The following TDRD3 variants were observed in gnomAD, a reference collection of about 807,000 sequenced individuals.
TDRD3 encodes tudor domain-containing protein 3.
TDRD3 carries 45 observed loss-of-function variants against 86.7 expected under a neutral mutation model. The observed-to-expected ratio is 0.52, with a 90% CI of 0.41 to 0.67. The LOEUF (loss-of-function observed/expected upper bound fraction) is 0.67, where lower values mean the gene tolerates loss of function less well. Ranked by LOEUF, TDRD3 falls within the 30% of genes least tolerant of loss-of-function variation. TDRD3 has a pLI of 0.00. For synonymous variants in TDRD3, 298 were observed against 301.7 expected (o/e 0.99, Z 0.13); for missense variants, 814 against 889.0 (o/e 0.92, Z 1.07).
At chr13:60,521,644 C>G (rs1957286565) in intron 10 of TDRD3, among the ~76,000 whole-genome samples, 1 of 151,974 alleles carries the variant, frequency 6.6e-6, no homozygotes, top group Non-Finnish European at 1.5e-5. Flanking sequence ...GCCTGTAATC[C>G]CAGCACTTTG....
intron 1 of TDRD3, among the ~76,000 whole-genome samples, chr13:60,400,525 A>T (rs1316440922): frequency 6.6e-6 from 1 of 152,080 alleles, no homozygotes. Context: ...GCGGGTGGTC[A>T]GGAGTTGGAG....
At chr13:60,459,388 T>G (rs1379676170) in intron 3 of TDRD3, among the ~76,000 whole-genome samples, 1 of 152,226 alleles carries the variant, frequency 6.6e-6, no homozygotes, top group Non-Finnish European at 1.5e-5. Context: ...ATTTCTCAAC[T>G]TTGCTCTAAG....
chr13:60,489,422 T>G (rs1357630090), intron 7 of TDRD3, among the ~76,000 whole-genome samples: 1 of 152,216 alleles, frequency 6.6e-6, no homozygotes, highest in Non-Finnish European at 1.5e-5. Context: ...GAATTTTGGT[T>G]GTTCTTCCCG....
At chr13:60,556,688 T>C (rs1343302378) in intron 12 of TDRD3, among the ~76,000 whole-genome samples, 2 of 152,172 alleles carry the variant, frequency 1.3e-5, no homozygotes, top group East Asian at 3.9e-4. Context: ...AATAGCATTG[T>C]ATTCCAAGTA....
chr13:60,402,740 C>A (rs927898900), intron 1 of TDRD3, among the ~76,000 whole-genome samples: 1 of 138,086 alleles, frequency 7.2e-6, no homozygotes, highest in Admixed American at 7.8e-5. Flanking sequence ...TCTTGTTGCC[C>A]AGGCTAGAGT....
chr13:60,492,168 G>T (rs1956602192), intron 7 of TDRD3, among the ~76,000 whole-genome samples: 1 of 152,156 alleles, frequency 6.6e-6, no homozygotes, highest in African/African-American at 2.4e-5. Context: ...CCATACAATG[G>T]AAAGAAAATT....
chr13:60,445,240 G>A (rs552835224), intron 3 of TDRD3, among the ~76,000 whole-genome samples: 5 of 152,158 alleles, frequency 3.3e-5, no homozygotes, highest in Middle Eastern at 3.4e-3. Context: ...ATTTTTTTGC[G>A]TCAGCAAACT....
At chr13:60,408,272 C>G (rs1954281506) in intron 1 of TDRD3, among the ~76,000 whole-genome samples, 1 of 152,134 alleles carries the variant, frequency 6.6e-6, no homozygotes, top group Non-Finnish European at 1.5e-5. Context: ...CTTCCCAGTC[C>G]CAGGTATGTC....
At chr13:60,491,379 T>C (rs1595013257) in intron 7 of TDRD3, among the ~76,000 whole-genome samples, 1 of 152,154 alleles carries the variant, frequency 6.6e-6, no homozygotes, top group Admixed American at 6.5e-5. Flanking sequence ...ATATGGATGG[T>C]ATTGAAAATT....
chr13:60,436,709 T>C (rs1416401643), intron 1 of TDRD3, among the ~76,000 whole-genome samples: 3 of 152,208 alleles, frequency 2.0e-5, no homozygotes, highest in Non-Finnish European at 4.4e-5. Context: ...ATGTGATGTA[T>C]GGGCCTTGTT....
intron 4 of TDRD3, among the ~76,000 whole-genome samples, chr13:60,463,799 T>C (rs1955855041): frequency 6.6e-6 from 1 of 152,164 alleles, no homozygotes; most frequent in Admixed American, 6.5e-5. Context: ...AGAGATCATC[T>C]CACACAGTTA....
At chr13:60,492,086 T>C (rs1956600769) in intron 7 of TDRD3, among the ~76,000 whole-genome samples, 1 of 152,178 alleles carries the variant, frequency 6.6e-6, no homozygotes, top group South Asian at 2.1e-4. Context: ...TAGATATTTA[T>C]ATGAGTGAGT....
At chr13:60,561,609 A>T (rs544836450) in intron 12 of TDRD3, among the ~76,000 whole-genome samples, 1 of 152,336 alleles carries the variant, frequency 6.6e-6, no homozygotes, top group African/African-American at 2.4e-5. Flanking sequence ...ATAATAAAAA[A>T]ATATAAATCT....
intron 8 of TDRD3, among the ~76,000 whole-genome samples, chr13:60,498,354 G>T (rs2137584966): frequency 6.6e-6 from 1 of 152,270 alleles, no homozygotes; most frequent in East Asian, 1.9e-4. Context: ...TCCCAAGGTG[G>T]CAGGGGCCAA....
chr13:60,462,060 T>G (rs1208170708), intron 4 of TDRD3, among the ~76,000 whole-genome samples: 1 of 152,236 alleles, frequency 6.6e-6, no homozygotes, highest in Non-Finnish European at 1.5e-5. Context: ...CCTCAGAAGA[T>G]ATGTTTGTCG....
chr13:60,403,071 A>G (rs1243111597), intron 1 of TDRD3, among the ~76,000 whole-genome samples: 2 of 152,206 alleles, frequency 1.3e-5, no homozygotes, highest in African/African-American at 4.8e-5. Flanking sequence ...TAAACTGCGA[A>G]AAATGACTGG....
chr13:60,466,377 A>G (rs1955928657), intron 4 of TDRD3, among the ~76,000 whole-genome samples: 2 of 152,140 alleles, frequency 1.3e-5, no homozygotes, highest in South Asian at 4.2e-4. Context: ...AGTATTTTAT[A>G]TTTTTATTCT....
intron 4 of TDRD3, among the ~76,000 whole-genome samples, chr13:60,465,322 T>C (rs1457923163): frequency 1.3e-5 from 2 of 152,162 alleles, no homozygotes; most frequent in African/African-American, 4.8e-5. Context: ...GTTATGAAAA[T>C]CTGAATTTGC....
chr13:60,400,158 T>A (rs1954055390), intron 1 of TDRD3, among the ~76,000 whole-genome samples: 1 of 152,220 alleles, frequency 6.6e-6, no homozygotes, highest in Non-Finnish European at 1.5e-5. Flanking sequence ...AAAGCTTAAT[T>A]ATATGCATGG....
Sources: allele counts gnomAD v4.1 joint callset (sites outside exome capture counted in the v4.1 genomes callset), GRCh38; gene constraint gnomAD v4.1.1; transcripts MANE v1.5; gene names NCBI Gene and HGNC (gene_info 2026-07-23, HGNC 2026-07-21).